BRSK2: variants seen among roughly 807,000 people sequenced by gnomAD.
BRSK2 encodes the protein BR serine/threonine kinase 2.
Under a neutral mutation model 83.3 loss-of-function variants are expected in BRSK2, and 19 were observed. The ratio of observed to expected loss-of-function variants is 0.23; its 90% CI spans 0.16 to 0.33. The LOEUF (loss-of-function observed/expected upper bound fraction) is 0.33, where lower values mean the gene tolerates loss of function less well. BRSK2 is among the 10% of genes least tolerant of loss of function. BRSK2 has a pLI of 1.00. For synonymous variants in BRSK2, 519 were observed against 435.4 expected (o/e 1.19, Z -2.39); for missense variants, 798 against 1,042.3 (o/e 0.77, Z 3.23).
intron 1 of BRSK2, chr11:1,411,437 A>T: frequency 6.8e-7 from 1 of 1,467,628 alleles, no homozygotes; most frequent in Non-Finnish European, 8.9e-7. Context: ...GCCGATGGGC[A>T]CGTCCCCGCC....
At chr11:1,406,249 G>A (rs923408261) in intron 1 of BRSK2, among the ~76,000 whole-genome samples, 2 of 151,594 alleles carry the variant, frequency 1.3e-5, no homozygotes, top group South Asian at 4.1e-4. Flanking sequence ...GGCTGCCAAG[G>A]TCAGGAGATG....
chr11:1,460,741 C>CCT lies in BRSK2; in HGVS notation c.*19_*20insTC. 4 of 1,413,868 alleles carry CCT rather than the reference C, an allele frequency of 2.8e-6. No individual in the cohort carries two copies. The highest frequency in any genetic ancestry group is 2.5e-4 in the Middle Eastern group (1 of 3,946). 87.6% of individuals were successfully genotyped at this position (1,413,868 alleles called of 1,614,324 possible). Reference sequence around the variant, plus strand: ...AGCCTTAGACACACTAGCCCCCCCCCCCAGCACAGCACTGACAGCGGCTGC... The same window carrying CCT: ...AGCCTTAGACACACTAGCCCCCCCCCCTCCAGCACAGCACTGACAGCGGCTGC... On this transcript the variant is annotated 3_prime_UTR_variant, in exon 20 of 20. Coordinates refer to ENST00000528841, the MANE Select transcript of BRSK2 (RefSeq NM_001256627.2).
At chr11:1,434,082 C>T (rs1042285190) in intron 1 of BRSK2, among the ~76,000 whole-genome samples, 2 of 152,256 alleles carry the variant, frequency 1.3e-5, no homozygotes, top group African/African-American at 4.8e-5. Flanking sequence ...TCAAAGGGCT[C>T]TTGCAAATTG....
At chr11:1,452,087 AGGCAGC>A (rs1845879625) in intron 15 of BRSK2, among the ~76,000 whole-genome samples, 1 of 152,198 alleles carries the variant, frequency 6.6e-6, no homozygotes, top group Non-Finnish European at 1.5e-5. Context: ...ACCCCAGGCC[AGGCAGC>A]GGCAGAGAGC....
At chr11:1,433,483 G>A (rs1336016012) in intron 1 of BRSK2, among the ~76,000 whole-genome samples, 8 of 152,268 alleles carry the variant, frequency 5.3e-5, no homozygotes, top group Non-Finnish European at 1.0e-4. Context: ...TTTGTCCTGA[G>A]GGTTTTTAGG....
chr11:1,429,213 GGT>G (rs1564831623), intron 1 of BRSK2, among the ~76,000 whole-genome samples: 1 of 150,140 alleles, frequency 6.7e-6, no homozygotes, highest in African/African-American at 2.5e-5. Flanking sequence ...GTGTGCACGC[GGT>G]GTGTGGGCGT....
Position 1,451,479 on chromosome 11 carries a change from C to T in BRSK2, c.1544+60C>T, listed in dbSNP as rs947776649. 8 of 1,561,116 alleles carry T rather than the reference C, an allele frequency of 5.1e-6. No homozygotes were observed. The Admixed American group carries it at 1.0e-4, about 20-fold the overall frequency. On this transcript the variant is annotated intron_variant, in intron 15 of 19. Transcript: ENST00000528841. ...GACACCAGGCTGGCCGGGAGAGGGG[C>T]ATGGAACCCTTCCCCTATGGCCAAC...
chr11:1,408,810 C>CT (rs1393476603), intron 1 of BRSK2, among the ~76,000 whole-genome samples: 202 of 113,524 alleles, frequency 1.8e-3, no homozygotes, highest in Non-Finnish European at 2.1e-3. Flanking sequence ...TTTGCCTGTG[C>CT]TGGTGTGTGT....
At chr11:1,426,259 G>A (rs952229614) in intron 1 of BRSK2, among the ~76,000 whole-genome samples, 1 of 150,830 alleles carries the variant, frequency 6.6e-6, no homozygotes, top group South Asian at 2.2e-4. Flanking sequence ...TGTGTGGGGC[G>A]TGCTCCGGGG....
chr11:1,456,333 G>A lies in BRSK2; in HGVS notation c.1669-15G>A. On this transcript the variant is annotated splice_polypyrimidine_tract_variant and intron_variant, in intron 16 of 19. Coordinates refer to ENST00000528841, the MANE Select transcript of BRSK2 (RefSeq NM_001256627.2). ...CTGCCAGGCCAGCCACGCTCACGCT[G>A]CTCTCTCTCCACAGATTCCCAGTCT... 1.3e-6 allele frequency: 2 copies of A among 1,544,918 alleles called. No individual in the cohort carries two copies. Among genetic ancestry groups the A allele is most frequent in the East Asian group, 2.4e-5 (1 of 41,090 alleles).
At chr11:1,421,667 C>A (rs754029468) in intron 1 of BRSK2, among the ~76,000 whole-genome samples, 1 of 152,214 alleles carries the variant, frequency 6.6e-6, no homozygotes, top group Non-Finnish European at 1.5e-5. Flanking sequence ...GAGGGCCTCG[C>A]TCCTTCCTGC....
At chr11:1,440,353 C>G (rs1377281308) in intron 3 of BRSK2, among the ~76,000 whole-genome samples, 2 of 152,176 alleles carry the variant, frequency 1.3e-5, no homozygotes, top group African/African-American at 4.8e-5. Flanking sequence ...CTGGATGCGG[C>G]TGCGTGGTCT....
rs199877557 is a variant in BRSK2 at position 1,445,252 on chromosome 11, C to T, written c.813-42C>T. The T allele has an allele frequency of 5.1e-4, 800 of 1,567,926 alleles. 6 individuals are homozygous for T. In the African/African-American group the frequency reaches 9.1e-3, roughly 18 times the overall value. ...TCCCACCCTCGCAGCCGCCCAGGCCCGGCCGGAGCTGATGAGCGGGTGGCC... is the reference window on the plus strand; with the variant it reads ...TCCCACCCTCGCAGCCGCCCAGGCCTGGCCGGAGCTGATGAGCGGGTGGCC... On this transcript the variant is annotated intron_variant, in intron 9 of 19. Coordinates refer to ENST00000528841, the MANE Select transcript of BRSK2 (RefSeq NM_001256627.2).
intron 1 of BRSK2, among the ~76,000 whole-genome samples, chr11:1,391,822 C>T (rs561223493): frequency 1.3e-5 from 2 of 152,222 alleles, no homozygotes; most frequent in South Asian, 2.1e-4. Context: ...TATAAGGAAA[C>T]ATCTGCGTGT....
chr11:1,410,509 G>A (rs1272517686), intron 1 of BRSK2: 1 of 985,372 alleles, frequency 1.0e-6, no homozygotes, highest in Non-Finnish European at 1.2e-6. Flanking sequence ...TGGGCCCGCA[G>A]ACTTCGGTGC....
At chr11:1,404,125 C>T (rs1048223569) in intron 1 of BRSK2, among the ~76,000 whole-genome samples, 1 of 152,214 alleles carries the variant, frequency 6.6e-6, no homozygotes, top group Non-Finnish European at 1.5e-5. Context: ...CCCACAGAAG[C>T]TGGTGTGGGC....
chr11:1,428,068 CTTT>C (rs1849458306), intron 1 of BRSK2, among the ~76,000 whole-genome samples: 1 of 152,140 alleles, frequency 6.6e-6, no homozygotes, highest in Non-Finnish European at 1.5e-5. Context: ...GGGGAAAGGA[CTTT>C]CTAGGCATAG....
intron 3 of BRSK2, among the ~76,000 whole-genome samples, chr11:1,439,287 C>G (rs958225996): frequency 6.6e-6 from 1 of 152,100 alleles, no homozygotes; most frequent in African/African-American, 2.4e-5. Context: ...TTTCTGCATT[C>G]TCGTGGGGAG....
intron 12 of BRSK2, among the ~76,000 whole-genome samples, chr11:1,446,675 A>T (rs1852176962): frequency 6.6e-6 from 1 of 151,336 alleles, no homozygotes; most frequent in South Asian, 2.1e-4. Flanking sequence ...GGGTGGGGGC[A>T]GGGCTGGGCT....
Sources: allele counts gnomAD v4.1 joint callset (sites outside exome capture counted in the v4.1 genomes callset), GRCh38; gene constraint gnomAD v4.1.1; transcripts MANE v1.5; gene names NCBI Gene and HGNC (gene_info 2026-07-23, HGNC 2026-07-21).